Variants in PKP2 observed in about 807,000 individuals in gnomAD.
PKP2 encodes plakophilin-2.
In PKP2, 73 loss-of-function variants were observed where a neutral mutation model predicts 83.4. That is an observed-to-expected ratio of 0.88 (90% CI 0.72 to 1.06). The LOEUF (loss-of-function observed/expected upper bound fraction) is 1.06. Ranked by LOEUF, PKP2 falls within the 50% of genes least tolerant of loss-of-function variation. The pLI, the probability that PKP2 is intolerant of heterozygous loss-of-function variation, is 0.00. For missense variants in PKP2, 966 were observed against 1,065.4 expected (o/e 0.91, Z 1.30); for synonymous variants, 409 against 430.4 (o/e 0.95, Z 0.62).
chr12:32,862,538 G>C lies in PKP2; in HGVS notation c.1170+6389C>G, dbSNP rs200976998. 2.4e-3 allele frequency among the ~76,000 whole-genome samples: 363 copies of C among 152,150 alleles called. 3 individuals carry two copies. The highest frequency in any genetic ancestry group is 8.3e-3 in the African/African-American group (343 of 41,522). On this transcript the variant is annotated intron_variant, in intron 4 of 12. Coordinates refer to ENST00000340811, the MANE Select transcript of PKP2 (RefSeq NM_001005242.3). ...CGCATGCCTGTAATCCCAGCTACTC[G>C]GGAGGCTGACGCAGGAGAATCGCTT...
chr12:32,872,859 C>T (rs999361784), intron 3 of PKP2, among the ~76,000 whole-genome samples: 4 of 150,758 alleles, frequency 2.7e-5, no homozygotes, highest in Non-Finnish European at 5.9e-5. Context: ...TCAGCTGAGG[C>T]AAAAAAGCCT....
Position 32,854,442 on chromosome 12 carries a change from G to A in PKP2, c.1171-3469C>T, listed in dbSNP as rs118103630. Among the ~76,000 whole-genome samples the A allele has an allele frequency of 4.6e-3, 707 of 152,294 alleles. 1 individual carries two copies. Among genetic ancestry groups the A allele is most frequent in the Middle Eastern group, 0.014 (4 of 294 alleles). ...CTTTCATCCATTTTATCAAGCAAAT[G>A]GATATAAATCCTGCTAAATGCAAAA... On this transcript the variant is annotated intron_variant, in intron 4 of 12. Transcript: ENST00000340811.
At chr12:32,827,499 G>T (rs1402649720) in intron 6 of PKP2, among the ~76,000 whole-genome samples, 2 of 152,140 alleles carry the variant, frequency 1.3e-5, no homozygotes, top group African/African-American at 2.4e-5. Flanking sequence ...TATAGAAAAT[G>T]ATACATCCAT....
intron 10 of PKP2, among the ~76,000 whole-genome samples, chr12:32,801,050 T>G (rs1022299662): frequency 6.6e-6 from 1 of 152,238 alleles, no homozygotes; most frequent in Non-Finnish European, 1.5e-5. Flanking sequence ...GTCCTTTTAC[T>G]TATATATTTG....
chr12:32,809,469 C>T (rs552667845), intron 9 of PKP2, among the ~76,000 whole-genome samples: 1 of 152,182 alleles, frequency 6.6e-6, no homozygotes, highest in African/African-American at 2.4e-5. Flanking sequence ...CACTGTGTTG[C>T]CATTGGCTGG....
Position 32,850,616 on chromosome 12 carries a change from A to C in PKP2, c.1378+150T>G, listed in dbSNP as rs529134804. ...GTGGCTCAAATCTGGAGTCTAAGCC[A>C]GCAGGTAACAATGTTCCTTTAAAGC... is the stretch of plus-strand genomic sequence containing the variant. On this transcript the variant is annotated intron_variant, in intron 5 of 12. Transcript: ENST00000340811. 2.3e-4 allele frequency: 163 copies of C among 699,642 alleles called. No individual in the cohort carries two copies. In the African/African-American group the frequency reaches 2.6e-3, roughly 11 times the overall value. 43.3% of individuals were successfully genotyped at this position (699,642 alleles called of 1,614,324 possible). A position where few individuals can be genotyped will look rare whatever the true frequency, so the allele number is the denominator to read the frequency against.
intron 4 of PKP2, among the ~76,000 whole-genome samples, chr12:32,854,933 C>A (rs1431496236): frequency 6.6e-6 from 1 of 152,220 alleles, no homozygotes; most frequent in African/African-American, 2.4e-5. Context: ...AGGTTCAGTC[C>A]ACTCTGCCTC....
chr12:32,827,473 G>A (rs559538805), intron 6 of PKP2, among the ~76,000 whole-genome samples: 12 of 152,172 alleles, frequency 7.9e-5, no homozygotes, highest in African/African-American at 1.9e-4. Flanking sequence ...GCACCATTCC[G>A]AAAATAACCA....
At chr12:32,855,773 C>CAAAAAAAAAAAAAAAAAAAAAAA (rs11431590) in intron 4 of PKP2, among the ~76,000 whole-genome samples, 7 of 46,838 alleles carry the variant, frequency 1.5e-4, no homozygotes, top group African/African-American at 7.4e-4. Context: ...GACTCCATCT[C>CAAAAAAAAAAAAAAAAAAAAAAA]AAAAAAAAAA....
chr12:32,800,453 T>C (rs1383678322), intron 10 of PKP2, among the ~76,000 whole-genome samples: 1 of 152,180 alleles, frequency 6.6e-6, no homozygotes, highest in Admixed American at 6.5e-5. Flanking sequence ...CTGAACACTT[T>C]CCTTTTGACT....
intron 6 of PKP2, among the ~76,000 whole-genome samples, chr12:32,839,260 C>G (rs1956567820): frequency 6.6e-6 from 1 of 151,908 alleles, no homozygotes; most frequent in Non-Finnish European, 1.5e-5. Context: ...GGTATCTGAT[C>G]CAGGCTTGGA....
At chr12:32,800,186 T>G (rs769206691) in intron 10 of PKP2, among the ~76,000 whole-genome samples, 20 of 152,372 alleles carry the variant, frequency 1.3e-4, no homozygotes, top group Non-Finnish European at 2.4e-4. Context: ...TTTTATTGTG[T>G]GCCTTCATCT....
intron 6 of PKP2, among the ~76,000 whole-genome samples, chr12:32,824,651 T>G (rs1956416504): frequency 6.6e-6 from 1 of 152,238 alleles, no homozygotes; most frequent in African/African-American, 2.4e-5. Flanking sequence ...CAGTATAAAC[T>G]GTTATTGACA....
At chr12:32,864,701 C>T (rs1299031792) in intron 4 of PKP2, among the ~76,000 whole-genome samples, 1 of 152,082 alleles carries the variant, frequency 6.6e-6, no homozygotes, top group African/African-American at 2.4e-5. Context: ...AATGGAACTG[C>T]TGAAGTTGTA....
intron 1 of PKP2, among the ~76,000 whole-genome samples, chr12:32,879,271 G>A (rs530155784): frequency 1.3e-5 from 2 of 152,298 alleles, no homozygotes; most frequent in Non-Finnish European, 2.9e-5. Flanking sequence ...GGTGGCGCAC[G>A]CCTCTTATCC....
chr12:32,804,622 G>A (rs112458666), intron 9 of PKP2, among the ~76,000 whole-genome samples: 12,904 of 152,238 alleles, frequency 0.085, 636 homozygotes, highest in Admixed American at 0.15. Context: ...CCCTGCAAAG[G>A]ACATGATCTC....
chr12:32,881,702 T>A (rs530020804), intron 1 of PKP2, among the ~76,000 whole-genome samples: 1 of 152,258 alleles, frequency 6.6e-6, no homozygotes, highest in Non-Finnish European at 1.5e-5. Context: ...TTGCCCAGGC[T>A]GGAGTGCAAT....
chr12:32,858,610 T>C (rs1003318052), intron 4 of PKP2, among the ~76,000 whole-genome samples: 8 of 152,162 alleles, frequency 5.3e-5, no homozygotes, highest in African/African-American at 1.9e-4. Flanking sequence ...ATATTTAGTT[T>C]GATCTCATAA....
Position 32,878,469 on chromosome 12 carries a change from T to C in PKP2, c.411A>G (p.Glu137=), listed in dbSNP as rs1591829029. The C allele has an allele frequency of 1.2e-6, 2 of 1,614,042 alleles. No individual in the cohort carries two copies. Among genetic ancestry groups the C allele is most frequent in the Non-Finnish European group, 8.5e-7 (1 of 1,179,954 alleles). Residue 137 remains glutamate (E), a synonymous_variant, in exon 3 of 13, where the codon GAA becomes GAG. Coordinates refer to ENST00000340811, the MANE Select transcript of PKP2 (RefSeq NM_001005242.3). ...TAQYSSQKSV[E]ERSLRHPLRR... ...TCAGAGGATGCCTCAAGGACCTTTC[T>C]TCCACGGACTTCTGGGAGCTGTACT...
Sources: allele counts gnomAD v4.1 joint callset (sites outside exome capture counted in the v4.1 genomes callset), GRCh38; gene constraint gnomAD v4.1.1; transcripts MANE v1.5; gene names NCBI Gene and HGNC (gene_info 2026-07-23, HGNC 2026-07-21).